The following NEK6 variants were observed in gnomAD, a reference collection of about 807,000 sequenced individuals.
NEK6 encodes the protein NIMA related kinase 6, also known as serine/threonine-protein kinase Nek6.
In NEK6, 27 loss-of-function variants were observed where a neutral mutation model predicts 43.5. The observed-to-expected ratio is 0.62, with a 90% CI of 0.46 to 0.86. NEK6 has a LOEUF of 0.86. Ranked by LOEUF, NEK6 falls within the 40% of genes least tolerant of loss-of-function variation. The pLI, the probability that NEK6 is intolerant of heterozygous loss-of-function variation, is 0.00. For missense variants in NEK6, 318 were observed against 414.4 expected (o/e 0.77, Z 2.02); for synonymous variants, 167 against 164.1 (o/e 1.02, Z -0.14).
intron 3 of NEK6, 45 bp from the exon 4 acceptor site, chr9:124,313,878 A>G: frequency 6.2e-7 from 1 of 1,608,848 alleles, no homozygotes; most frequent in South Asian, 1.1e-5. Context: ...GGGTCACTGG[A>G]CACAGATTGT....
chr9:124,327,218 G>T (rs1588519490), intron 6 of NEK6, 120 bp from the exon 7 acceptor site: 1 of 777,208 alleles, frequency 1.3e-6, no homozygotes, highest in East Asian at 2.5e-5. Flanking sequence ...CCAGGACAGG[G>T]CCTTGCCCTG....
chr9:124,297,611 C>G (rs779766458), intron 1 of NEK6, among the ~76,000 whole-genome samples: 14 of 152,226 alleles, frequency 9.2e-5, no homozygotes, highest in Non-Finnish European at 1.8e-4. Context: ...ATGTAGGGCC[C>G]TTGCTTGAGG....
At chr9:124,303,507 C>T (rs1833100269) in intron 2 of NEK6, among the ~76,000 whole-genome samples, 1 of 152,222 alleles carries the variant, frequency 6.6e-6, no homozygotes, top group Non-Finnish European at 1.5e-5. Flanking sequence ...TGGACAGCTG[C>T]ATCAGCCCAA....
Position 124,351,414 on chromosome 9 carries a change from ACT to A in NEK6, c.*470_*471del, listed in dbSNP as rs1185804227. On this transcript the variant is annotated 3_prime_UTR_variant, in exon 10 of 10. Transcript: ENST00000320246. ...TTCAATCAAGCTGTGTGCTTAATTT[ACT>A]CTGTTGTAAAGGGATAAAGTGGAAA... is the stretch of plus-strand genomic sequence containing the variant. 6.4e-6 allele frequency: 1 copy of A among 157,272 alleles called. No homozygotes were observed. The highest frequency in any genetic ancestry group is 1.9e-4 in the East Asian group (1 of 5,292). The allele number at this position is 157,272 out of a possible 1,614,324, so 9.7% of individuals were successfully genotyped here.
At chr9:124,347,396 T>C (rs1002736508) in intron 8 of NEK6, among the ~76,000 whole-genome samples, 1 of 152,160 alleles carries the variant, frequency 6.6e-6, no homozygotes, top group African/African-American at 2.4e-5. Flanking sequence ...GGAGCCTGGG[T>C]CCCCCGGGCT....
intron 1 of NEK6, among the ~76,000 whole-genome samples, chr9:124,280,700 G>A (rs536670179): frequency 1.3e-5 from 2 of 152,358 alleles, no homozygotes; most frequent in Admixed American, 1.3e-4. Context: ...GCTAGGCACG[G>A]GTTTATGAGG....
chr9:124,303,407 A>G (rs2130805523), intron 2 of NEK6, among the ~76,000 whole-genome samples: 1 of 152,352 alleles, frequency 6.6e-6, no homozygotes, highest in Middle Eastern at 3.4e-3. Flanking sequence ...TGTACAGGTT[A>G]TGCACTGCAC....
intron 1 of NEK6, among the ~76,000 whole-genome samples, chr9:124,282,359 C>G (rs1831951863): frequency 6.6e-6 from 1 of 152,242 alleles, no homozygotes; most frequent in African/African-American, 2.4e-5. Context: ...GTGTCCATCC[C>G]TCATAGAAAG....
rs568269333 is a variant in NEK6, at chr9:124,311,580, G to A, written c.91-929G>A. On this transcript the variant is annotated intron_variant, in intron 2 of 9. Coordinates refer to ENST00000320246, the MANE Select transcript of NEK6 (RefSeq NM_014397.6). Reference sequence around the variant, plus strand: ...GCTCCATCCCTGGGCAGGTCCTAGCGCAGGATCATGTGTTCCAATGCTGGC... The same window carrying A: ...GCTCCATCCCTGGGCAGGTCCTAGCACAGGATCATGTGTTCCAATGCTGGC... Among the ~76,000 whole-genome samples the A allele has an allele frequency of 2.0e-5, 3 of 152,274 alleles. No homozygotes were observed. In the East Asian group the frequency reaches 5.8e-4, roughly 29 times the overall value.
At chr9:124,315,834 G>C (rs901490261) in intron 4 of NEK6, among the ~76,000 whole-genome samples, 4 of 152,250 alleles carry the variant, frequency 2.6e-5, no homozygotes, top group Non-Finnish European at 1.5e-5. Flanking sequence ...GGTTTCAGAG[G>C]ACACACCCCT....
intron 1 of NEK6, among the ~76,000 whole-genome samples, chr9:124,277,370 TG>T (rs1177419905): frequency 1.3e-5 from 2 of 152,188 alleles, no homozygotes; most frequent in African/African-American, 2.4e-5. Context: ...CTCTTGAACA[TG>T]GGAGGCGGAG....
intron 1 of NEK6, among the ~76,000 whole-genome samples, chr9:124,265,292 G>A (rs978746209): frequency 1.3e-5 from 2 of 152,210 alleles, no homozygotes; most frequent in Non-Finnish European, 2.9e-5. Flanking sequence ...GGGAGGCCGA[G>A]GCAGGCGGAT....
Position 124,326,368 on chromosome 9 carries a change from A to T in NEK6, c.444A>T (p.Thr148=). The part of the protein sequence containing the change: ...KKQKRLIPER[T]VWKYFVQLCS... Reference sequence around the variant, plus strand: ...AGAAGCGGCTCATCCCGGAGAGGACAGTATGGAAGTACTTTGTGCAGCTGT... The same window carrying T: ...AGAAGCGGCTCATCCCGGAGAGGACTGTATGGAAGTACTTTGTGCAGCTGT... Residue 148 remains threonine, a synonymous_variant, in exon 6 of 10, where the codon ACA becomes ACT. Coordinates refer to ENST00000320246, the MANE Select transcript of NEK6 (RefSeq NM_014397.6). This position sits in a 1 kb window ranked among gnomAD's most constrained non-coding sequence, Gnocchi z 4.5. The T allele has an allele frequency of 6.2e-7, 1 of 1,611,832 alleles. No homozygotes were observed. The highest frequency in any genetic ancestry group is 8.5e-7 in the Non-Finnish European group (1 of 1,179,924).
intron 1 of NEK6, among the ~76,000 whole-genome samples, chr9:124,297,546 GC>G (rs1478338578): frequency 6.6e-6 from 1 of 152,210 alleles, no homozygotes; most frequent in African/African-American, 2.4e-5. Context: ...GCAGCCTAAA[GC>G]CAGGAACCTG....
In NEK6 at chr9:124,258,026, C is replaced by T. The variant is rs562320954; in HGVS notation, c.-89C>T. 2.0e-6 allele frequency: 2 copies of T among 979,128 alleles called. No homozygotes were observed. Among genetic ancestry groups the T allele is most frequent in the South Asian group, 4.7e-5 (1 of 21,256 alleles). The allele number at this position is 979,128 out of a possible 1,614,324, so 60.7% of individuals were successfully genotyped here. A position where few individuals can be genotyped will look rare whatever the true frequency, so the allele number is the denominator to read the frequency against. ...CAAACTCGTGTGGGACGCACCGCTC[C>T]AGCCGCCCGCGGGCCAGCGCACCGG... is the stretch of plus-strand genomic sequence containing the variant. On this transcript the variant is annotated 5_prime_UTR_variant, in exon 1 of 10. Coordinates refer to ENST00000320246, the MANE Select transcript of NEK6 (RefSeq NM_014397.6).
chr9:124,330,388 A>G (rs1828915344), intron 7 of NEK6, among the ~76,000 whole-genome samples: 1 of 152,230 alleles, frequency 6.6e-6, no homozygotes, highest in Non-Finnish European at 1.5e-5. Context: ...GCTCCGAGCA[A>G]CGGCAGCAGC....
intron 8 of NEK6, among the ~76,000 whole-genome samples, chr9:124,342,326 C>G (rs1434033288): frequency 6.6e-6 from 1 of 152,210 alleles, no homozygotes; most frequent in African/African-American, 2.4e-5. Flanking sequence ...TCGGGGAGCA[C>G]AATTTTGAAT....
At chr9:124,339,762 C>T (rs1829498332) in intron 8 of NEK6, 97 bp downstream of exon 8, 2 of 884,870 alleles carry the variant, frequency 2.3e-6, no homozygotes, top group African/African-American at 1.6e-5. Flanking sequence ...GGGTTGGAAC[C>T]CAGGAATGTC....
chr9:124,329,864 T>A (rs999428967), intron 7 of NEK6, among the ~76,000 whole-genome samples: 1 of 152,220 alleles, frequency 6.6e-6, no homozygotes, highest in Non-Finnish European at 1.5e-5. Flanking sequence ...TACCATTGCA[T>A]CGTGACTCAG....
Sources: gnomAD v4.1 joint callset for allele counts (sites outside exome capture counted in the v4.1 genomes callset) on GRCh38, gnomAD v4.1.1 for gene constraint, Gnocchi (gnomAD v3.1) non-coding constraint, MANE v1.5 for transcripts, NCBI Gene and HGNC (gene_info 2026-07-23, HGNC 2026-07-21) for gene names.